The following GRAMD1C variants were observed in gnomAD, a reference collection of about 807,000 sequenced individuals.
The protein encoded by GRAMD1C is protein Aster-C.
In GRAMD1C, 89 loss-of-function variants were observed where a neutral mutation model predicts 97.8. That is an observed-to-expected ratio of 0.91 (90% confidence interval 0.77 to 1.09). GRAMD1C has a LOEUF of 1.09. GRAMD1C is among the 50% of genes least tolerant of loss of function. The pLI is 0.00. For synonymous variants in GRAMD1C, 256 were observed against 267.0 expected (o/e 0.96, Z 0.40); for missense variants, 740 against 766.4 (o/e 0.97, Z 0.41).
At chr3:113,842,770 C>G (rs1933398398) in intron 1 of GRAMD1C, among the ~76,000 whole-genome samples, 2 of 152,034 alleles carry the variant, frequency 1.3e-5, no homozygotes, top group African/African-American at 4.8e-5. Flanking sequence ...TGTGACCAGC[C>G]TGGCCAACAT....
intron 6 of GRAMD1C, chr3:113,885,518 A>G: frequency 3.1e-6 from 5 of 1,605,848 alleles, no homozygotes; most frequent in South Asian, 1.1e-5. Flanking sequence ...ACACTTATTC[A>G]CTCCCACCAT....
intron 1 of GRAMD1C, among the ~76,000 whole-genome samples, chr3:113,840,653 G>T (rs1709761550): frequency 6.6e-6 from 1 of 152,138 alleles, no homozygotes; most frequent in African/African-American, 2.4e-5. Context: ...CTATTTGGGA[G>T]GCTGAGATAG....
At position 113,838,946 on chromosome 3, in the gene GRAMD1C, G is replaced by A; in HGVS notation, c.27+10G>A. On this transcript the variant is annotated intron_variant, in intron 1 of 17. Transcript: ENST00000358160. Reference sequence around the variant, plus strand: ...TCCGACTGTCCGTCAGGTAAGCCGCGGGCCTCGCTGGGGCAGGTTCCCATC... The same window carrying A: ...TCCGACTGTCCGTCAGGTAAGCCGCAGGCCTCGCTGGGGCAGGTTCCCATC... 1 of 1,060,262 alleles carries A rather than the reference G, an allele frequency of 9.4e-7. No individual in the cohort carries two copies. The highest frequency in any genetic ancestry group is 4.7e-5 in the South Asian group (1 of 21,288). The allele number at this position is 1,060,262 out of a possible 1,614,324, so 65.7% of individuals were successfully genotyped here.
At chr3:113,890,875 C>G in intron 6 of GRAMD1C, 1 of 558,488 alleles carries the variant, frequency 1.8e-6, no homozygotes, top group South Asian at 2.6e-5. Flanking sequence ...GAAGAAAGCT[C>G]TCTGAAGTGA....
At chr3:113,888,393 A>G (rs1484587627) in intron 6 of GRAMD1C, among the ~76,000 whole-genome samples, 1 of 152,230 alleles carries the variant, frequency 6.6e-6, no homozygotes, top group African/African-American at 2.4e-5. Flanking sequence ...TGCAAGATGA[A>G]TGAGTACTGG....
chr3:113,850,112 T>G (rs1437499584), intron 2 of GRAMD1C: 2 of 376,300 alleles, frequency 5.3e-6, no homozygotes, highest in Non-Finnish European at 1.0e-5. Context: ...AGCTAGTTAA[T>G]ATTAAATATT....
intron 8 of GRAMD1C, among the ~76,000 whole-genome samples, chr3:113,906,161 A>G (rs1313407800): frequency 6.6e-6 from 1 of 152,200 alleles, no homozygotes; most frequent in African/African-American, 2.4e-5. Context: ...ATAGAAGTAC[A>G]TAATACTTGA....
intron 10 of GRAMD1C, among the ~76,000 whole-genome samples, chr3:113,926,047 T>A (rs1488323253): frequency 3.3e-5 from 5 of 152,190 alleles, no homozygotes; most frequent in Admixed American, 3.3e-4. Flanking sequence ...GGTTGTCTTG[T>A]ATGTATCTCA....
chr3:113,908,624 C>T (rs984195983), intron 8 of GRAMD1C, among the ~76,000 whole-genome samples: 1 of 152,034 alleles, frequency 6.6e-6, no homozygotes, highest in Non-Finnish European at 1.5e-5. Flanking sequence ...CCTTGTCTAC[C>T]CCAAAGAATG....
intron 3 of GRAMD1C, among the ~76,000 whole-genome samples, chr3:113,875,000 G>A (rs138396542): frequency 6.6e-5 from 10 of 152,294 alleles, no homozygotes; most frequent in Admixed American, 6.5e-4. Flanking sequence ...ACATGATGTA[G>A]CTTCTCCAGC....
At chr3:113,851,978 C>T (rs780626462) in intron 2 of GRAMD1C, among the ~76,000 whole-genome samples, 5 of 152,114 alleles carry the variant, frequency 3.3e-5, no homozygotes, top group Non-Finnish European at 7.3e-5. Flanking sequence ...AAGCGATTCT[C>T]GTGCCTCAGC....
chr3:113,900,107 T>A (rs952692177), intron 6 of GRAMD1C, among the ~76,000 whole-genome samples: 4 of 151,956 alleles, frequency 2.6e-5, no homozygotes, highest in African/African-American at 9.7e-5. Flanking sequence ...GCCTATAATA[T>A]CAGCATTTTG....
At chr3:113,925,133 T>A (rs1937189634) in intron 10 of GRAMD1C, among the ~76,000 whole-genome samples, 1 of 152,188 alleles carries the variant, frequency 6.6e-6, no homozygotes, top group African/African-American at 2.4e-5. Flanking sequence ...TTGCCAGATT[T>A]TTCTCCACCC....
At chr3:113,919,337 C>G (rs866378596) in intron 10 of GRAMD1C, 1 of 493,112 alleles carries the variant, frequency 2.0e-6, no homozygotes, top group African/African-American at 2.0e-5. Flanking sequence ...TAGAAAAACA[C>G]CATCTCTTTA....
chr3:113,933,475 A>G, intron 11 of GRAMD1C, 36 bp from the exon 12 acceptor site: 1 of 1,477,174 alleles, frequency 6.8e-7, no homozygotes, highest in South Asian at 1.1e-5. Context: ...TATATTAAGC[A>G]TATACATACA....
At chr3:113,928,424 C>T (rs1266315322) in intron 10 of GRAMD1C, among the ~76,000 whole-genome samples, 1 of 152,152 alleles carries the variant, frequency 6.6e-6, no homozygotes, top group Non-Finnish European at 1.5e-5. Context: ...AGTATGATAA[C>T]ATCCATATGC....
intron 15 of GRAMD1C, chr3:113,938,763 C>G (rs1256309166): frequency 6.6e-6 from 1 of 152,186 alleles, no homozygotes; most frequent in African/African-American, 2.4e-5. Flanking sequence ...ATTTAGAACA[C>G]TAATATCTAT....
chr3:113,916,393 T>G (rs1244984151), intron 10 of GRAMD1C, among the ~76,000 whole-genome samples: 4 of 152,170 alleles, frequency 2.6e-5, no homozygotes, highest in Non-Finnish European at 5.9e-5. Context: ...TTGTGTATAT[T>G]CCCACAAAAG....
At chr3:113,940,117 C>T in intron 16 of GRAMD1C, 121 bp downstream of exon 16, 1 of 846,996 alleles carries the variant, frequency 1.2e-6, no homozygotes, top group South Asian at 1.5e-5. Context: ...CCATAAACAG[C>T]CTGTTTTTGT....
Sources: allele counts gnomAD v4.1 joint callset (sites outside exome capture counted in the v4.1 genomes callset), GRCh38; gene constraint gnomAD v4.1.1; transcripts MANE v1.5; gene names NCBI Gene and HGNC (gene_info 2026-07-23, HGNC 2026-07-21).